Variants in LRRTM4 observed in about 807,000 individuals in gnomAD.
LRRTM4 encodes the protein leucine rich repeat transmembrane neuronal 4, also known as leucine-rich repeat transmembrane neuronal protein 4.
LRRTM4 carries 25 observed loss-of-function variants against 47.6 expected under a neutral mutation model. The observed-to-expected ratio is 0.53, with a 90% CI of 0.38 to 0.73. The LOEUF (loss-of-function observed/expected upper bound fraction) is 0.73, where lower values mean the gene tolerates loss of function less well. Among genes scored for constraint, LRRTM4 ranks in the 30% least tolerant of loss-of-function variants. The probability of loss-of-function intolerance (pLI) is 0.00; values close to 1 mark genes in which losing one functional copy is unlikely to be tolerated. For missense variants in LRRTM4, 638 were observed against 713.4 expected, an observed-to-expected ratio of 0.89 and a Z score of 1.20; for synonymous variants, 311 against 269.5, an observed-to-expected ratio of 1.15 and a Z score of -1.51.
intron 3 of LRRTM4, among the ~76,000 whole-genome samples, chr2:76,765,039 C>G (rs190707106): frequency 2.0e-5 from 3 of 152,252 alleles, no homozygotes; most frequent in Non-Finnish European, 4.4e-5. Flanking sequence ...TGGACCACCA[C>G]CCATGTAGGA....
At chr2:77,332,882 C>T (rs1671020843) in intron 3 of LRRTM4, among the ~76,000 whole-genome samples, 1 of 152,132 alleles carries the variant, frequency 6.6e-6, no homozygotes, top group Admixed American at 6.5e-5. Context: ...TTGACTGTGT[C>T]TCCATTCAAA....
intron 3 of LRRTM4, among the ~76,000 whole-genome samples, chr2:77,150,819 T>G (rs1672397042): frequency 6.6e-6 from 1 of 152,178 alleles, no homozygotes; most frequent in Non-Finnish European, 1.5e-5. Context: ...ATTACTGTCA[T>G]ACTATCCCTA....
At chr2:77,292,176 T>A (rs1397163589) in intron 3 of LRRTM4, among the ~76,000 whole-genome samples, 52 of 150,212 alleles carry the variant, frequency 3.5e-4, no homozygotes, top group African/African-American at 1.3e-3. Context: ...AGAATGGCAA[T>A]CATTAAAAAG....
chr2:76,855,549 C>G (rs570936608), intron 3 of LRRTM4, among the ~76,000 whole-genome samples: 2 of 152,220 alleles, frequency 1.3e-5, no homozygotes, highest in Non-Finnish European at 2.9e-5. Flanking sequence ...TTATCCCAAT[C>G]TCTTTCTTTG....
chr2:77,291,516 A>G (rs992525789), intron 3 of LRRTM4, among the ~76,000 whole-genome samples: 10 of 152,130 alleles, frequency 6.6e-5, no homozygotes, highest in African/African-American at 2.4e-4. Flanking sequence ...AGAAATAAAG[A>G]TTGCCAGTAA....
intron 3 of LRRTM4, among the ~76,000 whole-genome samples, chr2:76,802,577 C>A (rs763464612): frequency 1.3e-5 from 2 of 152,008 alleles, no homozygotes; most frequent in African/African-American, 2.4e-5. Flanking sequence ...ATCAACATTC[C>A]AATGGCATTT....
At chr2:76,994,754 T>A (rs1470405051) in intron 3 of LRRTM4, among the ~76,000 whole-genome samples, 1 of 152,034 alleles carries the variant, frequency 6.6e-6, no homozygotes, top group Non-Finnish European at 1.5e-5. Context: ...GTGGTATTTA[T>A]AGTAAAGGAA....
At chr2:77,020,145 A>C (rs12713890) in intron 3 of LRRTM4, among the ~76,000 whole-genome samples, 64,047 of 151,706 alleles carry the variant, frequency 0.42, 16,855 homozygotes, top group African/African-American at 0.74. Flanking sequence ...AAAGATGAAG[A>C]AAGGTAGAAA....
chr2:77,112,951 C>G (rs1671289526), intron 3 of LRRTM4, among the ~76,000 whole-genome samples: 1 of 152,144 alleles, frequency 6.6e-6, no homozygotes, highest in Admixed American at 6.5e-5. Flanking sequence ...TGAGCATGCT[C>G]ATCCGAGACA....
chr2:77,252,305 C>T (rs1675640999), intron 3 of LRRTM4, among the ~76,000 whole-genome samples: 1 of 152,062 alleles, frequency 6.6e-6, no homozygotes, highest in African/African-American at 2.4e-5. Flanking sequence ...ATATGGTACC[C>T]TACATACACT....
At chr2:76,947,745 G>A (rs1473194988) in intron 3 of LRRTM4, among the ~76,000 whole-genome samples, 1 of 151,800 alleles carries the variant, frequency 6.6e-6, no homozygotes, top group East Asian at 1.9e-4. Context: ...GAAAGGAATA[G>A]CAGTATGGTT....
At chr2:76,761,442 G>C (rs1673251223) in intron 3 of LRRTM4, among the ~76,000 whole-genome samples, 1 of 152,080 alleles carries the variant, frequency 6.6e-6, no homozygotes, top group Non-Finnish European at 1.5e-5. Flanking sequence ...AAAGTTAGGT[G>C]CAATTCAGTT....
intron 3 of LRRTM4, among the ~76,000 whole-genome samples, chr2:77,012,862 A>G (rs1329792368): frequency 1.3e-5 from 2 of 152,224 alleles, no homozygotes; most frequent in African/African-American, 4.8e-5. Context: ...TATAATACCA[A>G]TTTGTAATTA....
chr2:77,273,779 A>G (rs1676267533), intron 3 of LRRTM4, among the ~76,000 whole-genome samples: 2 of 152,162 alleles, frequency 1.3e-5, no homozygotes, highest in South Asian at 2.1e-4. Flanking sequence ...TTAGAAACAG[A>G]CACAACTAGT....
chr2:76,765,178 GGTC>G (rs1256018165), intron 3 of LRRTM4, among the ~76,000 whole-genome samples: 1 of 152,138 alleles, frequency 6.6e-6, no homozygotes, highest in Admixed American at 6.5e-5. Context: ...TGTTAGAATA[GGTC>G]GTCTATTCTA....
chr2:77,505,511 T>C (rs932504088), intron 3 of LRRTM4, among the ~76,000 whole-genome samples: 2 of 151,466 alleles, frequency 1.3e-5, no homozygotes, highest in African/African-American at 2.4e-5. Flanking sequence ...AAATTAAAGT[T>C]AGAAACAAAA....
intron 3 of LRRTM4, among the ~76,000 whole-genome samples, chr2:76,813,124 A>G (rs908999648): frequency 1.1e-4 from 16 of 152,036 alleles, no homozygotes; most frequent in Non-Finnish European, 1.8e-4. Context: ...AGATCACCCC[A>G]TTGCACTCTA....
intron 3 of LRRTM4, among the ~76,000 whole-genome samples, chr2:76,816,706 G>C (rs1670905897): frequency 6.6e-6 from 1 of 151,300 alleles, no homozygotes; most frequent in Non-Finnish European, 1.5e-5. Flanking sequence ...ATAAACTTCA[G>C]CTGATGACAC....
At chr2:77,349,227 A>G (rs1671673299) in intron 3 of LRRTM4, among the ~76,000 whole-genome samples, 1 of 152,062 alleles carries the variant, frequency 6.6e-6, no homozygotes, top group Admixed American at 6.5e-5. Context: ...CTGCATATAA[A>G]GTAAATACAT....
Sources: allele counts gnomAD v4.1 joint callset (sites outside exome capture counted in the v4.1 genomes callset), GRCh38; gene constraint gnomAD v4.1.1; transcripts MANE v1.5; gene names NCBI Gene and HGNC (gene_info 2026-07-23, HGNC 2026-07-21).